ULK1: variants seen among roughly 807,000 people sequenced by gnomAD.
ULK1 encodes the protein serine/threonine-protein kinase ULK1.
ULK1 carries 48 observed loss-of-function variants against 117.5 expected under a neutral mutation model. That is an observed-to-expected ratio of 0.41 (90% CI 0.32 to 0.52). The LOEUF is 0.52. Ranked by LOEUF, ULK1 falls within the 20% of genes least tolerant of loss-of-function variation. ULK1 has a pLI of 0.29. For missense variants in ULK1, 1,387 were observed against 1,473.4 expected, an observed-to-expected ratio of 0.94 and a Z score of 0.96; for synonymous variants, 790 against 637.8, an observed-to-expected ratio of 1.24 and a Z score of -3.60.
chr12:131,914,942 T>G, intron 16 of ULK1, 141 bp from the exon 17 acceptor site: 1 of 1,270,186 alleles, frequency 7.9e-7, no homozygotes, highest in Non-Finnish European at 1.1e-6. Context: ...CTGTCAGCAC[T>G]GTAGCCACTT....
Position 131,915,097 on chromosome 12 carries a change from G to A in ULK1, c.1388G>A (p.Arg463His), listed in dbSNP as rs1243631701. 6 of 1,551,628 alleles carry A rather than the reference G, an allele frequency of 3.9e-6. No homozygotes were observed. The African/African-American group carries it at 4.1e-5, about 11-fold the overall frequency. Residue 463 changes from arginine (R) to histidine (H), a missense_variant, in exon 17 of 28, where the codon CGC (arginine) becomes CAC (histidine). By Grantham distance (29) the Arg-to-His change is conservative. Around this residue, in one of 4 missense-constraint regions of ULK1, gnomAD observed 900 missense variants for 858.9 expected, o/e 1.05. Coordinates refer to ENST00000321867, the MANE Select transcript of ULK1 (RefSeq NM_003565.4). ...CTTGTCTTCAGGTCCTCTGCCATCC[G>A]CAGGTCAGGCAGCACCAGCCCCCTG... is the stretch of plus-strand genomic sequence containing the variant. ...QFQTPRSSAIRRSGSTSPLGF... is the reference protein window; with the variant it reads ...QFQTPRSSAIHRSGSTSPLGF...
intron 20 of ULK1, 105 bp downstream of exon 20, chr12:131,916,696 C>T: frequency 1.5e-6 from 2 of 1,359,188 alleles, no homozygotes; most frequent in Non-Finnish European, 1.9e-6. Flanking sequence ...AAAGCCCAGC[C>T]TTGCCCTTCT....
intron 3 of ULK1, among the ~76,000 whole-genome samples, chr12:131,899,295 T>C (rs1456700656): frequency 1.4e-5 from 2 of 145,812 alleles, no homozygotes; most frequent in African/African-American, 2.6e-5. Flanking sequence ...TTCAAGCGAT[T>C]CTCCTGCCTC....
Position 131,907,053 on chromosome 12 carries a change from G to A in ULK1, c.279+129G>A, listed in dbSNP as rs953197673. ...TTTTTTTTTGAGATGGAGTCTCACT[G>A]TCGCCCAGGCTGGAGTGCAGTGCTG... On this transcript the variant is annotated intron_variant, in intron 4 of 27. Coordinates refer to ENST00000321867, the MANE Select transcript of ULK1 (RefSeq NM_003565.4). The A allele has an allele frequency of 4.7e-6, 6 of 1,290,266 alleles. No homozygotes were observed. In the Admixed American group the frequency reaches 7.4e-5, roughly 16 times the overall value. 79.9% of individuals were successfully genotyped at this position (1,290,266 alleles called of 1,614,324 possible).
chr12:131,895,808 C>A lies in ULK1; in HGVS notation c.230C>A (p.Ala77Asp). ...GAACTGAAACATGAAAACATCGTGGCCCTGTACGACTTCCAGGTAAGGCCT... is the reference window on the plus strand; with the variant it reads ...GAACTGAAACATGAAAACATCGTGGACCTGTACGACTTCCAGGTAAGGCCT... ...LKELKHENIV[A>D]LYDFQEMANS... The change falls in exon 3 of 28, where the codon GCC becomes GAC. Residue 77 changes from alanine to aspartate, a missense_variant. By Grantham distance (126) the Ala-to-Asp change is moderately radical. Transcript: ENST00000321867. The A allele has an allele frequency of 6.2e-7, 1 of 1,614,170 alleles. No homozygotes were observed.
intron 8 of ULK1, 86 bp downstream of exon 8, chr12:131,909,323 C>A: frequency 7.1e-7 from 1 of 1,412,334 alleles, no homozygotes; most frequent in Non-Finnish European, 9.4e-7. Context: ...GCGAGCCCTG[C>A]CCGCGCCCCA....
Position 131,922,074 on chromosome 12 carries a change from G to T in ULK1, c.*713G>T. 1 of 452,454 alleles carries T rather than the reference G, an allele frequency of 2.2e-6. No individual in the cohort carries two copies. Among genetic ancestry groups the T allele is most frequent in the Non-Finnish European group, 4.5e-6 (1 of 223,934 alleles). The allele number at this position is 452,454 out of a possible 1,614,324, so 28.0% of individuals were successfully genotyped here. On this transcript the variant is annotated 3_prime_UTR_variant, in exon 28 of 28. Transcript: ENST00000321867. ...GTTCTTTGTTCAAGCGTTCCTCTGG[G>T]GACCGGCAGCAGAGGCACCGTGTTC...
At chr12:131,907,683 A>AG (rs1054193008) in intron 5 of ULK1, 152 bp downstream of exon 5, 25 of 965,940 alleles carry the variant, frequency 2.6e-5, no homozygotes, top group Admixed American at 1.7e-4. Context: ...GGGCCTCTTG[A>AG]GGGGATGCAG....
intron 5 of ULK1, among the ~76,000 whole-genome samples, chr12:131,908,241 G>T (rs1236473301): frequency 6.6e-6 from 1 of 152,162 alleles, no homozygotes; most frequent in Non-Finnish European, 1.5e-5. Flanking sequence ...AAGCCTGGGA[G>T]ACAGACGCTG....
Position 131,917,108 on chromosome 12 carries a change from GGCTGTGGGA to G in ULK1, c.2182+47_2182+55del, listed in dbSNP as rs1566126378. The G allele has an allele frequency of 3.1e-3, 3,738 of 1,221,040 alleles. 219 individuals carry two copies. Among genetic ancestry groups the G allele is most frequent in the South Asian group, 0.016 (928 of 57,284 alleles). The allele number at this position is 1,221,040 out of a possible 1,614,324, so 75.6% of individuals were successfully genotyped here. ...CGGAGGCTGTGGGATGGGGGTCGGA[GGCTGTGGGA>G]TGGGGGTCGGAGGCTGTGGGATGGG... On this transcript the variant is annotated intron_variant, in intron 21 of 27. Coordinates refer to ENST00000321867, the MANE Select transcript of ULK1 (RefSeq NM_003565.4).
At position 131,909,132 on chromosome 12, in the gene ULK1, G is replaced by A. The variant is rs762420187; in HGVS notation, c.565-4G>A. The A allele has an allele frequency of 7.5e-6, 12 of 1,604,124 alleles. No individual in the cohort carries two copies. Among genetic ancestry groups the A allele is most frequent in the South Asian group, 2.2e-5 (2 of 89,872 alleles). The stretch of plus-strand genomic sequence containing the variant: ...TCACACTGACCCGACTTCTGGTCCC[G>A]CAGGCCCCCGAGGTCATCATGTCCC... On this transcript the variant is annotated splice_region_variant and splice_polypyrimidine_tract_variant and intron_variant, in intron 7 of 27. Transcript: ENST00000321867.
In ULK1 at chr12:131,921,404, A is replaced by G; in HGVS notation, c.*43A>G. 1 of 1,599,032 alleles carries G rather than the reference A, an allele frequency of 6.3e-7. No homozygotes were observed. Among genetic ancestry groups the G allele is most frequent in the South Asian group, 1.1e-5 (1 of 91,048 alleles). Reference sequence around the variant, plus strand: ...GGCCCCCCGTCCTGCCGAGCCCTGCAGAGTGGGCTCTGTGTGCTGGCTGGA... The same window carrying G: ...GGCCCCCCGTCCTGCCGAGCCCTGCGGAGTGGGCTCTGTGTGCTGGCTGGA... On this transcript the variant is annotated 3_prime_UTR_variant, in exon 28 of 28. Transcript: ENST00000321867.
Position 131,915,977 on chromosome 12 carries a change from G to A in ULK1, c.1696G>A (p.Val566Ile), listed in dbSNP as rs557968277. ...CCCCAACCTGTCTGACTTGCACGTC[G>A]TCCGCCCCAAGCTGCCCAAACCCCC... is the stretch of plus-strand genomic sequence containing the variant. ...SAPNLSDLHVVRPKLPKPPTD... is the reference protein window; with the variant it reads ...SAPNLSDLHVIRPKLPKPPTD... The change falls in exon 19 of 28, where the codon GTC (valine) becomes ATC (isoleucine). Residue 566 changes from valine (V) to isoleucine (I), a missense_variant. Physicochemically the swap from Val to Ile is conservative, Grantham distance 29. This residue lies in a region of ULK1 where 900 missense variants were observed against 858.9 expected (regional missense o/e 1.05). Transcript: ENST00000321867. 120 of 1,612,364 alleles carry A rather than the reference G, an allele frequency of 7.4e-5. No individual in the cohort carries two copies. The highest frequency in any genetic ancestry group is 8.9e-5 in the East Asian group (4 of 44,862).
intron 13 of ULK1, among the ~76,000 whole-genome samples, chr12:131,912,649 T>G: frequency 6.6e-6 from 1 of 152,166 alleles, no homozygotes; most frequent in East Asian, 1.9e-4. Context: ...AGGGACACAA[T>G]GACTCATGCC....
intron 24 of ULK1, 44 bp downstream of exon 24, chr12:131,919,428 G>A: frequency 6.3e-7 from 1 of 1,587,602 alleles, no homozygotes. Context: ...GTGGCCTGGG[G>A]GCCAGGACCA....
intron 11 of ULK1, 76 bp downstream of exon 11, chr12:131,910,380 T>C: frequency 6.3e-7 from 1 of 1,587,506 alleles, no homozygotes. Context: ...GTTAGGGCAC[T>C]GAGTGTGGGG....
chr12:131,904,828 G>A (rs1050896812), intron 3 of ULK1, among the ~76,000 whole-genome samples: 1 of 152,108 alleles, frequency 6.6e-6, no homozygotes, highest in African/African-American at 2.4e-5. Flanking sequence ...GTGGGCCCAG[G>A]TCAGGGAGTG....
At chr12:131,913,528 T>C (rs1889635268) in intron 14 of ULK1, among the ~76,000 whole-genome samples, 5 of 151,926 alleles carry the variant, frequency 3.3e-5, no homozygotes, top group African/African-American at 1.2e-4. Context: ...ACCCCGTCTC[T>C]ACTGACAAAA....
intron 25 of ULK1, 113 bp downstream of exon 25, chr12:131,919,703 G>GTGC: frequency 1.5e-6 from 2 of 1,297,810 alleles, no homozygotes; most frequent in Non-Finnish European, 2.2e-6. Context: ...CTGTGCAGAG[G>GTGC]TGCAGAGGCC....
Sources: gnomAD v4.1 joint callset for allele counts (sites outside exome capture counted in the v4.1 genomes callset) on GRCh38, gnomAD v4.1.1 for gene constraint, gnomAD v4.1.1 regional missense constraint, MANE v1.5 for transcripts, NCBI Gene and HGNC (gene_info 2026-07-23, HGNC 2026-07-21) for gene names.